Variants in PDE1C observed in about 807,000 individuals in gnomAD.
PDE1C encodes phosphodiesterase 1C, also known as dual specificity calcium/calmodulin-dependent 3',5'-cyclic nucleotide phosphodiesterase 1C.
PDE1C carries 62 observed loss-of-function variants against 93.1 expected under a neutral mutation model. The ratio of observed to expected loss-of-function variants is 0.67; its 90% CI spans 0.54 to 0.82. The LOEUF (loss-of-function observed/expected upper bound fraction) is 0.82. PDE1C is among the 40% of genes least tolerant of loss of function. The probability of loss-of-function intolerance (pLI) is 0.00; values close to 1 mark genes in which losing one functional copy is unlikely to be tolerated. For missense variants in PDE1C, 742 were observed against 884.6 expected (o/e 0.84, Z 2.04); for synonymous variants, 325 against 310.1 (o/e 1.05, Z -0.50).
At chr7:32,207,644 A>G (rs1805686998) in intron 2 of PDE1C, among the ~76,000 whole-genome samples, 1 of 152,038 alleles carries the variant, frequency 6.6e-6, no homozygotes, top group Admixed American at 6.6e-5. Flanking sequence ...GTATCAGTCC[A>G]ACCTAACTGG....
At chr7:32,117,492 C>T (rs1799048189) in intron 3 of PDE1C, among the ~76,000 whole-genome samples, 1 of 152,206 alleles carries the variant, frequency 6.6e-6, no homozygotes, top group African/African-American at 2.4e-5. Context: ...ATAACTGGAA[C>T]CTAAGCCTTC....
rs558639289 is a variant in PDE1C, at chr7:31,936,898, C to T, written c.129-56038G>A. On this transcript the variant is annotated intron_variant, in intron 2 of 17. Transcript: ENST00000396191. ...ATGTGCACAAGGTGTGGTTGAGTTA[C>T]AGCTTGCTTTTATACATTTTAGGGA... Among the ~76,000 whole-genome samples the T allele has an allele frequency of 2.0e-5, 3 of 152,256 alleles. No homozygotes were observed. The South Asian group carries it at 6.2e-4, about 32-fold the overall frequency.
At chr7:31,902,787 A>G (rs905778788) in intron 2 of PDE1C, among the ~76,000 whole-genome samples, 8 of 151,096 alleles carry the variant, frequency 5.3e-5, no homozygotes, top group Non-Finnish European at 1.0e-4. Flanking sequence ...TGTAATATAT[A>G]GTATAATTAT....
chr7:32,418,849 T>A lies in PDE1C; in HGVS notation c.310+8973A>T, dbSNP rs565575904. Among the ~76,000 whole-genome samples the A allele has an allele frequency of 3.3e-5, 5 of 152,180 alleles. No individual in the cohort carries two copies. The South Asian group carries it at 8.3e-4, about 25-fold the overall frequency. On this transcript the variant is annotated intron_variant, in intron 1 of 1. Coordinates refer to the PDE1C transcript ENST00000672256. ...CCTGCATGTAATCTTCAAAGCAGCA[T>A]GTAAATGAGGTCCACCCGACTCCTG...
intron 2 of PDE1C, among the ~76,000 whole-genome samples, chr7:31,898,023 T>C (rs1799522761): frequency 3.7e-5 from 1 of 26,818 alleles, no homozygotes; most frequent in African/African-American, 9.8e-5. Flanking sequence ...GGTTTCTTTG[T>C]GTGTGTGTGT....
intron 1 of PDE1C, among the ~76,000 whole-genome samples, chr7:32,337,059 T>C (rs542442970): frequency 1.3e-5 from 2 of 152,078 alleles, no homozygotes; most frequent in African/African-American, 2.4e-5. Flanking sequence ...TCTCTCTCTC[T>C]CTTCCTTTCC....
chr7:31,792,679 C>G (rs773951068), intron 16 of PDE1C, among the ~76,000 whole-genome samples: 1 of 152,016 alleles, frequency 6.6e-6, no homozygotes, highest in Non-Finnish European at 1.5e-5. Flanking sequence ...CACTCCACAT[C>G]CTATCTTTCA....
intron 16 of PDE1C, chr7:31,785,292 A>G (rs1488783545): frequency 6.6e-6 from 1 of 152,134 alleles, no homozygotes; most frequent in African/African-American, 2.4e-5. Flanking sequence ...GTGTGCCCTG[A>G]GCGAACTTAA....
chr7:32,077,580 A>AT (rs572527347), intron 3 of PDE1C, among the ~76,000 whole-genome samples: 271 of 151,786 alleles, frequency 1.8e-3, no homozygotes, highest in South Asian at 0.013. Flanking sequence ...TTATTTATTT[A>AT]TTTTTTTTGA....
intron 2 of PDE1C, among the ~76,000 whole-genome samples, chr7:31,970,855 A>T (rs1190606545): frequency 1.3e-5 from 2 of 152,214 alleles, no homozygotes; most frequent in African/African-American, 4.8e-5. Flanking sequence ...GAGATGACAG[A>T]AAGAGTGTTG....
chr7:32,105,136 C>T (rs1247444345), intron 3 of PDE1C, among the ~76,000 whole-genome samples: 1 of 152,268 alleles, frequency 6.6e-6, no homozygotes. Flanking sequence ...GAAATGGAGA[C>T]AAAAGGCACA....
chr7:32,142,034 T>G (rs565479996), intron 3 of PDE1C, among the ~76,000 whole-genome samples: 66 of 152,214 alleles, frequency 4.3e-4, no homozygotes, highest in Non-Finnish European at 7.8e-4. Flanking sequence ...GCTGACTCTG[T>G]GCACTTACAC....
At chr7:32,108,908 G>C (rs564638649) in intron 3 of PDE1C, among the ~76,000 whole-genome samples, 1 of 152,108 alleles carries the variant, frequency 6.6e-6, no homozygotes, top group Non-Finnish European at 1.5e-5. Flanking sequence ...GCCAATATTC[G>C]TGCCTTCTTG....
intron 16 of PDE1C, among the ~76,000 whole-genome samples, chr7:31,780,424 T>C (rs73686954): frequency 0.1 from 15,667 of 152,232 alleles, 1,190 homozygotes; most frequent in East Asian, 0.39. Flanking sequence ...ACTGCACGTC[T>C]GCTTATTAAC....
chr7:31,620,355 C>T, the PDE1C span, among the ~76,000 whole-genome samples: 1 of 152,046 alleles, frequency 6.6e-6, no homozygotes, highest in East Asian at 1.9e-4. Context: ...CTGGGAGGCA[C>T]CCCCCAGTAG....
intron 2 of PDE1C, among the ~76,000 whole-genome samples, chr7:31,899,497 G>A (rs1031490029): frequency 1.3e-5 from 2 of 152,112 alleles, no homozygotes; most frequent in African/African-American, 4.8e-5. Flanking sequence ...GCAGTGAAAA[G>A]CGGCAGCTGA....
chr7:32,312,546 A>G lies in PDE1C; in HGVS notation c.311-103007T>C, dbSNP rs533298895. On this transcript the variant is annotated intron_variant, in intron 1 of 1. Coordinates refer to the PDE1C transcript ENST00000672256. ...GTAACCAAAACAGCATGGTACTGGTACCAAAACAGAGATATAGATCAATGG... is the reference window on the plus strand; with the variant it reads ...GTAACCAAAACAGCATGGTACTGGTGCCAAAACAGAGATATAGATCAATGG... Among the ~76,000 whole-genome samples, 4 of 152,352 alleles carry G rather than the reference A, an allele frequency of 2.6e-5. 1 individual carries two copies. The South Asian group carries it at 6.2e-4, about 24-fold the overall frequency.
chr7:32,124,655 G>T (rs1799472535), intron 3 of PDE1C, among the ~76,000 whole-genome samples: 1 of 152,136 alleles, frequency 6.6e-6, no homozygotes, highest in Non-Finnish European at 1.5e-5. Context: ...GCCATATGCA[G>T]AAAACTGGCT....
chr7:31,870,685 C>A (rs565080381), intron 6 of PDE1C, among the ~76,000 whole-genome samples: 32 of 152,050 alleles, frequency 2.1e-4, no homozygotes, highest in Admixed American at 1.8e-3. Context: ...CAAAGAAGGA[C>A]TAACATCAGT....
Sources: allele counts gnomAD v4.1 joint callset (sites outside exome capture counted in the v4.1 genomes callset), GRCh38; gene constraint gnomAD v4.1.1; transcripts MANE v1.5; gene names NCBI Gene and HGNC (gene_info 2026-07-23, HGNC 2026-07-21).